THSD4: variants seen among roughly 807,000 people sequenced by gnomAD.
THSD4 encodes thrombospondin type 1 domain containing 4, also known as thrombospondin type-1 domain-containing protein 4.
THSD4 carries 69 observed loss-of-function variants against 119.0 expected under a neutral mutation model. The observed-to-expected ratio is 0.58, with a 90% CI of 0.48 to 0.71. The LOEUF (loss-of-function observed/expected upper bound fraction) is 0.71. Among genes scored for constraint, THSD4 ranks in the 30% least tolerant of loss-of-function variants. The probability of loss-of-function intolerance (pLI) is 0.00; values close to 1 mark genes in which losing one functional copy is unlikely to be tolerated. For synonymous variants in THSD4, 524 were observed against 540.4 expected (o/e 0.97, Z 0.42); for missense variants, 1,393 against 1,391.1 (o/e 1.00, Z -0.02).
chr15:71,563,937 G>C (rs145501745), intron 7 of THSD4, among the ~76,000 whole-genome samples: 19 of 152,222 alleles, frequency 1.2e-4, no homozygotes, highest in Middle Eastern at 3.4e-3. Context: ...GGGGGTGTGG[G>C]GGTGGGCTTT....
chr15:71,163,403 C>A (rs1340604503), intron 3 of THSD4, among the ~76,000 whole-genome samples: 1 of 151,816 alleles, frequency 6.6e-6, no homozygotes, highest in African/African-American at 2.4e-5. Context: ...ATCACAAAAG[C>A]GTGTAAAATT....
intron 8 of THSD4, among the ~76,000 whole-genome samples, chr15:71,707,360 A>G (rs966740856): frequency 1.3e-5 from 2 of 152,236 alleles, no homozygotes; most frequent in Admixed American, 6.5e-5. Context: ...AGAATAAGCT[A>G]TAGTCCATTA....
At chr15:71,700,859 T>A (rs913650690) in intron 8 of THSD4, among the ~76,000 whole-genome samples, 13 of 152,102 alleles carry the variant, frequency 8.5e-5, no homozygotes, top group Non-Finnish European at 1.9e-4. Flanking sequence ...TAGATCTCTG[T>A]GTCACAGTAT....
At chr15:71,406,133 A>G (rs2140492752) in intron 6 of THSD4, among the ~76,000 whole-genome samples, 1 of 152,030 alleles carries the variant, frequency 6.6e-6, no homozygotes, top group Middle Eastern at 3.4e-3. Context: ...TTGATTATTT[A>G]GGAGTATGTT....
chr15:71,744,643 T>A (rs2053299957), intron 11 of THSD4, among the ~76,000 whole-genome samples: 1 of 152,174 alleles, frequency 6.6e-6, no homozygotes, highest in African/African-American at 2.4e-5. Flanking sequence ...AAAATATACA[T>A]GCACATATCT....
chr15:71,233,896 C>T (rs1399387663), intron 4 of THSD4, among the ~76,000 whole-genome samples: 1 of 152,170 alleles, frequency 6.6e-6, no homozygotes, highest in Non-Finnish European at 1.5e-5. Context: ...GGACTCTCTC[C>T]TCTCTCTCCT....
At chr15:71,741,737 T>G (rs1035712169) in intron 11 of THSD4, among the ~76,000 whole-genome samples, 5 of 150,370 alleles carry the variant, frequency 3.3e-5, no homozygotes, top group African/African-American at 1.2e-4. Flanking sequence ...ACTCGGCATC[T>G]GCCACTCAGA....
At chr15:71,193,078 C>T (rs113182703) in intron 3 of THSD4, among the ~76,000 whole-genome samples, 23 of 152,316 alleles carry the variant, frequency 1.5e-4, no homozygotes, top group African/African-American at 5.5e-4. Flanking sequence ...CGAATGACTT[C>T]TAGTGGGATG....
intron 4 of THSD4, among the ~76,000 whole-genome samples, chr15:71,241,734 C>T (rs904909825): frequency 1.4e-4 from 21 of 152,226 alleles, no homozygotes; most frequent in South Asian, 6.2e-4. Context: ...GTCCTGCCCA[C>T]GTCCCCCGCC....
intron 7 of THSD4, among the ~76,000 whole-genome samples, chr15:71,595,281 A>G (rs1173529084): frequency 2.0e-5 from 3 of 152,298 alleles, no homozygotes; most frequent in African/African-American, 7.2e-5. Flanking sequence ...CCAAATCTCA[A>G]CTTGAATTGT....
chr15:71,268,952 G>A (rs1389752536), intron 6 of THSD4, among the ~76,000 whole-genome samples: 1 of 152,110 alleles, frequency 6.6e-6, no homozygotes, highest in Non-Finnish European at 1.5e-5. Context: ...AACAAGGTCT[G>A]AAATTGAGGC....
intron 7 of THSD4, among the ~76,000 whole-genome samples, chr15:71,432,031 G>C (rs763209101): frequency 2.6e-5 from 4 of 151,812 alleles, no homozygotes; most frequent in Admixed American, 1.3e-4. Flanking sequence ...TTATTTTTGT[G>C]GCATACAAGA....
At chr15:71,746,506 G>C (rs2053340366) in intron 12 of THSD4, among the ~76,000 whole-genome samples, 1 of 151,808 alleles carries the variant, frequency 6.6e-6, no homozygotes, top group South Asian at 2.1e-4. Flanking sequence ...GCCATCCCCT[G>C]ACCTCAGCCT....
chr15:71,156,545 G>A (rs1305476412), intron 3 of THSD4, among the ~76,000 whole-genome samples: 4 of 152,156 alleles, frequency 2.6e-5, no homozygotes, highest in Non-Finnish European at 5.9e-5. Flanking sequence ...GATTATAGGT[G>A]TGAGCCGCTG....
intron 1 of THSD4, among the ~76,000 whole-genome samples, chr15:71,138,877 A>AGTGTGTGT (rs111389138): frequency 1.3e-5 from 2 of 149,818 alleles, no homozygotes; most frequent in African/African-American, 4.9e-5. Flanking sequence ...TGTGTGTGTG[A>AGTGTGTGT]GTGTGTGTGT....
At position 71,242,850 on chromosome 15, in the gene THSD4, GCCTTTGTACCAA is replaced by G; in HGVS notation, c.667_678del (p.Pro223_Gln226del). On this transcript the variant is annotated inframe_deletion, in exon 5 of 18. Transcript: ENST00000261862. ...CAGCCCACCAGGTCCCCCAACATGG[GCCTTTGTACCAA>G]AGTGACAGTGGCCCTCGCTCTGGAC... 1 of 1,614,190 alleles carries G rather than the reference GCCTTTGTACCAA, an allele frequency of 6.2e-7. No individual in the cohort carries two copies. Among genetic ancestry groups the G allele is most frequent in the Non-Finnish European group, 8.5e-7 (1 of 1,180,042 alleles).
chr15:71,189,539 G>A (rs959524392), intron 3 of THSD4, among the ~76,000 whole-genome samples: 54 of 152,054 alleles, frequency 3.6e-4, no homozygotes, highest in African/African-American at 1.2e-3. Context: ...GCGCAGTGGC[G>A]GGCACCTGCA....
chr15:71,239,747 T>C (rs1049865824), intron 4 of THSD4, among the ~76,000 whole-genome samples: 1 of 152,202 alleles, frequency 6.6e-6, no homozygotes, highest in Admixed American at 6.5e-5. Context: ...GTACTTATCA[T>C]AGCTCTGCAT....
intron 8 of THSD4, among the ~76,000 whole-genome samples, chr15:71,694,163 G>A (rs558522274): frequency 9.9e-5 from 15 of 152,192 alleles, no homozygotes; most frequent in African/African-American, 3.6e-4. Flanking sequence ...TCCTCTATTT[G>A]GAAAAACCAT....
Sources: allele counts gnomAD v4.1 joint callset (sites outside exome capture counted in the v4.1 genomes callset), GRCh38; gene constraint gnomAD v4.1.1; transcripts MANE v1.5; gene names NCBI Gene and HGNC (gene_info 2026-07-23, HGNC 2026-07-21).